Variants in PTPRF observed in about 807,000 individuals in gnomAD.
The protein encoded by PTPRF is receptor-type tyrosine-protein phosphatase F.
PTPRF carries 59 observed loss-of-function variants against 201.8 expected under a neutral mutation model. The observed-to-expected ratio is 0.29, with a 90% CI of 0.24 to 0.36. The LOEUF is 0.36. PTPRF is among the 10% of genes least tolerant of loss of function. The pLI is 1.00. For synonymous variants in PTPRF, 1,088 were observed against 1,089.7 expected, an observed-to-expected ratio of 1.00 and a Z score of 0.03; for missense variants, 2,132 against 2,690.5, an observed-to-expected ratio of 0.79 and a Z score of 4.59.
chr1:43,582,901 C>T (rs1448919914), intron 7 of PTPRF, among the ~76,000 whole-genome samples: 3 of 152,172 alleles, frequency 2.0e-5, no homozygotes, highest in Non-Finnish European at 4.4e-5. Context: ...TGATGTGGTT[C>T]GTGTGCACCT....
intron 5 of PTPRF, among the ~76,000 whole-genome samples, chr1:43,568,866 TTG>T (rs1307507429): frequency 2.0e-5 from 3 of 152,154 alleles, no homozygotes; most frequent in Non-Finnish European, 4.4e-5. Context: ...TACCAACTTT[TTG>T]TGTCTTTAGA....
rs776916161 is a variant in PTPRF, at chr1:43,621,003, C to G, written c.5519+11C>G. On this transcript the variant is annotated intron_variant, in intron 32 of 33. Transcript: ENST00000359947. ...CACGGTGCACTGCAGGTGGGACTGG[C>G]CCCCTGGAGGGCTGGGGTGGGTGGG... 1 of 1,611,314 alleles carries G rather than the reference C, an allele frequency of 6.2e-7. No homozygotes were observed. The highest frequency in any genetic ancestry group is 1.7e-5 in the Admixed American group (1 of 59,910).
At chr1:43,613,464 C>T (rs944570712) in intron 22 of PTPRF, 154 bp from the exon 23 acceptor site, 1 of 688,086 alleles carries the variant, frequency 1.5e-6, no homozygotes, top group South Asian at 1.6e-5. Context: ...TCCGCCATCC[C>T]TGTCGCCGCA....
At chr1:43,576,544 C>T (rs1021435943) in intron 6 of PTPRF, among the ~76,000 whole-genome samples, 1 of 152,214 alleles carries the variant, frequency 6.6e-6, no homozygotes, top group Non-Finnish European at 1.5e-5. Flanking sequence ...GCTAGGCTGC[C>T]TCCACGCAGC....
rs769856471 is a variant in PTPRF, at chr1:43,591,011, C to G, written c.989C>G (p.Thr330Arg). 5 of 1,613,474 alleles carry G rather than the reference C, an allele frequency of 3.1e-6. No homozygotes were observed. Among genetic ancestry groups the G allele is most frequent in the Non-Finnish European group, 8.5e-7 (1 of 1,179,518 alleles). The change falls in exon 9 of 34, where the codon ACA becomes AGA. Residue 330 changes from threonine (T) to arginine (R), a missense_variant. Thr to Arg is a moderately conservative substitution (Grantham distance 71). Transcript: ENST00000359947. The part of the protein sequence containing the change: ...KPPIDLVVTE[T>R]TATSVTLTWD... ...CCGATTGATCTTGTGGTGACAGAGACAACTGCCACCAGTGTCACCCTCACC... is the reference window on the plus strand; with the variant it reads ...CCGATTGATCTTGTGGTGACAGAGAGAACTGCCACCAGTGTCACCCTCACC...
At chr1:43,563,314 A>G (rs1645937160) in intron 5 of PTPRF, among the ~76,000 whole-genome samples, 1 of 152,122 alleles carries the variant, frequency 6.6e-6, no homozygotes, top group Admixed American at 6.5e-5. Context: ...TTCATGTACT[A>G]GAGGAGGACC....
chr1:43,552,632 G>T (rs1645108794), intron 3 of PTPRF, among the ~76,000 whole-genome samples: 1 of 152,186 alleles, frequency 6.6e-6, no homozygotes, highest in Non-Finnish European at 1.5e-5. Flanking sequence ...TGGATCAGCT[G>T]TCAAGATTAA....
intron 13 of PTPRF, 95 bp downstream of exon 13, chr1:43,599,008 C>T: frequency 7.4e-7 from 1 of 1,347,884 alleles, no homozygotes; most frequent in Non-Finnish European, 1.0e-6. Flanking sequence ...CTTCCCCTGC[C>T]TGCCCTCAGC....
Position 43,554,593 on chromosome 1 carries a change from T to G in PTPRF, c.379+652T>G, listed in dbSNP as rs150952724. On this transcript the variant is annotated intron_variant, in intron 5 of 33. Coordinates refer to ENST00000359947, the MANE Select transcript of PTPRF (RefSeq NM_002840.5). This position sits in a 1 kb window ranked among gnomAD's most constrained non-coding sequence, Gnocchi z 4.1. ...AGAGCTCTGAGTAGTTCAATTTGGG[T>G]TTTCTGGAGGGCAGAGGGGGAGCTA... 2.2e-3 allele frequency among the ~76,000 whole-genome samples: 338 copies of G among 151,836 alleles called. 1 individual carries two copies. The highest frequency in any genetic ancestry group is 7.9e-3 in the African/African-American group (327 of 41,386).
At chr1:43,575,940 T>C in intron 6 of PTPRF, 1 of 1,364,934 alleles carries the variant, frequency 7.3e-7, no homozygotes, top group African/African-American at 1.5e-5. Flanking sequence ...AAGAATGCTG[T>C]CCGTGCCTCT....
Position 43,592,550 on chromosome 1 carries a change from A to G in PTPRF, c.1762A>G (p.Met588Val), listed in dbSNP as rs1327156374. 1 of 1,610,654 alleles carries G rather than the reference A, an allele frequency of 6.2e-7. No individual in the cohort carries two copies. The highest frequency in any genetic ancestry group is 1.7e-5 in the Admixed American group (1 of 59,654). ...YRFQLAARSDMGVGVFTPTIE... is the reference protein window; with the variant it reads ...YRFQLAARSDVGVGVFTPTIE... ...CTTCCAGCTGGCTGCACGCTCGGATATGGGGGTGGGCGTCTTCACCCCCAC... is the reference window on the plus strand; with the variant it reads ...CTTCCAGCTGGCTGCACGCTCGGATGTGGGGGTGGGCGTCTTCACCCCCAC... Residue 588 changes from methionine (M) to valine (V), a missense_variant, in exon 11 of 34, where the codon ATG (methionine) becomes GTG (valine). By Grantham distance (21) the Met-to-Val change is conservative (BLOSUM62 1). Transcript: ENST00000359947.
rs371025924 is a variant in PTPRF at position 43,591,951 on chromosome 1, G to A, written c.1668+3G>A. On this transcript the variant is annotated splice_donor_region_variant and intron_variant, in intron 10 of 33. Coordinates refer to ENST00000359947, the MANE Select transcript of PTPRF (RefSeq NM_002840.5). Reference sequence around the variant, plus strand: ...CGGCAGAGGACGAAGACCAACAGGTGTGCAGCGGGCAGAGAAGCACTGAGG... The same window carrying A: ...CGGCAGAGGACGAAGACCAACAGGTATGCAGCGGGCAGAGAAGCACTGAGG... The A allele has an allele frequency of 1.9e-6, 3 of 1,613,472 alleles. No individual in the cohort carries two copies. The highest frequency in any genetic ancestry group is 2.2e-5 in the South Asian group (2 of 91,084).
At chr1:43,575,951 C>A (rs58472247) in intron 6 of PTPRF, 157 of 1,364,192 alleles carry the variant, frequency 1.2e-4, no homozygotes, top group Non-Finnish European at 1.5e-4. Context: ...CCGTGCCTCT[C>A]GCCACACCAC....
chr1:43,612,874 A>G lies in PTPRF; in HGVS notation c.3974-744A>G. On this transcript the variant is annotated intron_variant, in intron 22 of 33. Coordinates refer to ENST00000359947, the MANE Select transcript of PTPRF (RefSeq NM_002840.5). ...CTGTTTCCACTCCTTACTTTTGTTT[A>G]CCCCATCGCCTCCATCCTTCCTTGA... The G allele has an allele frequency of 2.5e-6, 3 of 1,205,592 alleles. No homozygotes were observed. The South Asian group carries it at 3.7e-5, about 15-fold the overall frequency. The allele number at this position is 1,205,592 out of a possible 1,614,324, so 74.7% of individuals were successfully genotyped here.
At chr1:43,614,048 G>A (rs1161671744) in intron 23 of PTPRF, among the ~76,000 whole-genome samples, 1 of 152,234 alleles carries the variant, frequency 6.6e-6, no homozygotes, top group Non-Finnish European at 1.5e-5. Flanking sequence ...ATAGATCAGT[G>A]ATAACAGCCA....
intron 3 of PTPRF, among the ~76,000 whole-genome samples, chr1:43,550,915 A>G (rs1007843302): frequency 3.3e-5 from 5 of 152,212 alleles, no homozygotes; most frequent in African/African-American, 1.2e-4. Context: ...CAGCTTATGC[A>G]AAGGCCCTGT....
At position 43,621,116 on chromosome 1, in the gene PTPRF, G is replaced by A. The variant is rs755382808; in HGVS notation, c.5539G>A (p.Gly1847Arg). The change falls in exon 33 of 34, where the codon GGG becomes AGG. Residue 1847 changes from glycine to arginine, a missense_variant. Coordinates refer to ENST00000359947, the MANE Select transcript of PTPRF (RefSeq NM_002840.5). ...GAGCAGTGCTGGCGTGGGCCGCACC[G>A]GGGTGTTCATCACTCTGAGCATCGT... ...VHCSAGVGRT[G>R]VFITLSIVLE... 1.9e-6 allele frequency: 3 copies of A among 1,614,034 alleles called. No homozygotes were observed. The highest frequency in any genetic ancestry group is 1.7e-5 in the Admixed American group (1 of 60,008).
chr1:43,601,377 G>GA (rs540300748), intron 13 of PTPRF, among the ~76,000 whole-genome samples: 18 of 152,376 alleles, frequency 1.2e-4, no homozygotes, highest in African/African-American at 3.4e-4. Context: ...CCCGAGGAAG[G>GA]AACGGGTATA....
chr1:43,618,131 T>C (rs899726884), intron 25 of PTPRF, among the ~76,000 whole-genome samples: 1 of 152,194 alleles, frequency 6.6e-6, no homozygotes, highest in Non-Finnish European at 1.5e-5. Context: ...TGTTAATATG[T>C]TTCACCAAAT....
Sources: gnomAD v4.1 joint callset for allele counts (sites outside exome capture counted in the v4.1 genomes callset) on GRCh38, gnomAD v4.1.1 for gene constraint, Gnocchi (gnomAD v3.1) non-coding constraint, MANE v1.5 for transcripts, NCBI Gene and HGNC (gene_info 2026-07-23, HGNC 2026-07-21) for gene names.